Variants in CDK20 observed in about 807,000 individuals in gnomAD.
CDK20 encodes cyclin dependent kinase 20.
CDK20 carries 40 observed loss-of-function variants against 38.6 expected under a neutral mutation model. The ratio of observed to expected loss-of-function variants is 1.04; its 90% CI spans 0.81 to 1.35. The LOEUF (loss-of-function observed/expected upper bound fraction) is 1.35. Among genes scored for constraint, CDK20 ranks in the 40% most tolerant of loss-of-function variants. The pLI, the probability that CDK20 is intolerant of heterozygous loss-of-function variation, is 0.00. For missense variants in CDK20, 512 were observed against 452.6 expected, an observed-to-expected ratio of 1.13 and a Z score of -1.19; for synonymous variants, 209 against 185.7, an observed-to-expected ratio of 1.13 and a Z score of -1.02.
Position 87,969,121 on chromosome 9 carries a change from G to A in CDK20, c.843+73C>T. The A allele has an allele frequency of 2.6e-6, 4 of 1,535,114 alleles. No homozygotes were observed. The South Asian group carries it at 4.8e-5, about 18-fold the overall frequency. ...GTCGCTGATGTGATGGGGTCACATG[G>A]CTACCAAGTACAGAGTACCAGGGTG... On this transcript the variant is annotated intron_variant, in intron 7 of 7. Coordinates refer to ENST00000325303, the MANE Select transcript of CDK20 (RefSeq NM_001039803.3).
chr9:87,971,003 C>T lies in CDK20; in HGVS notation c.379-106G>A, dbSNP rs1829811276. On this transcript the variant is annotated intron_variant, in intron 3 of 7. Transcript: ENST00000325303. ...TCAGGTCAGCCCCGGTCCCCACCTCCTCCAGGGCCATGCCCTGGCCACTTA... is the reference window on the plus strand; with the variant it reads ...TCAGGTCAGCCCCGGTCCCCACCTCTTCCAGGGCCATGCCCTGGCCACTTA... 1.8e-5 allele frequency: 27 copies of T among 1,533,418 alleles called. No individual in the cohort carries two copies. The South Asian group carries it at 2.1e-4, about 12-fold the overall frequency. 95.0% of individuals were successfully genotyped at this position (1,533,418 alleles called of 1,614,324 possible). A position where few individuals can be genotyped will look rare whatever the true frequency, so the allele number is the denominator to read the frequency against.
rs1829520089 is a variant in CDK20 at position 87,967,581 on chromosome 9, C to T, written c.922G>A (p.Gly308Arg). The T allele has an allele frequency of 6.5e-7, 1 of 1,540,192 alleles. No homozygotes were observed. The change falls in exon 8 of 8, where the codon GGA (glycine) becomes AGA (arginine). Residue 308 changes from glycine to arginine, a missense_variant. Gly to Arg is a moderately radical substitution (Grantham distance 125, BLOSUM62 -2). Transcript: ENST00000325303. ...CCTGGATGGGCCTTGGGGGCAGGTC[C>T]CCCTAGACGCTGAGGAATCGGCAGC... ...SELPIPQRLG[G>R]PAPKAHPGPP...
Position 87,969,231 on chromosome 9 carries a change from A to G in CDK20, c.806T>C (p.Leu269Pro). ...PQALDLLGQF[L>P]LYPPHQRIAA... is the part of the protein sequence containing the mutation. ...GATGCGCTGGTGAGGAGGGTAGAGAAGGAATTGACCCAGCAGATCCAATGC... is the reference window on the plus strand; with the variant it reads ...GATGCGCTGGTGAGGAGGGTAGAGAGGGAATTGACCCAGCAGATCCAATGC... Residue 269 changes from leucine (L) to proline (P), a missense_variant, in exon 7 of 8, where the codon CTT (leucine) becomes CCT (proline). Transcript: ENST00000325303. The G allele has an allele frequency of 6.2e-7, 1 of 1,614,084 alleles. No individual in the cohort carries two copies. The highest frequency in any genetic ancestry group is 2.2e-5 in the East Asian group (1 of 44,874).
At chr9:87,969,598 G>C (rs1360044933) in intron 6 of CDK20, 198 bp downstream of exon 6, 2 of 882,086 alleles carry the variant, frequency 2.3e-6, no homozygotes, top group Admixed American at 2.6e-5. Context: ...GGGGTGAAAA[G>C]GGACAAAGGA....
At chr9:87,970,660 G>T (rs1287777548) in intron 4 of CDK20, 30 bp from the exon 5 acceptor site, 1 of 1,613,808 alleles carries the variant, frequency 6.2e-7, no homozygotes, top group African/African-American at 1.3e-5. Flanking sequence ...CAGGCACTGG[G>T]CTGAGAAAAG....
intron 6 of CDK20, 22 bp from the exon 7 acceptor site, chr9:87,969,371 G>C: frequency 6.2e-7 from 1 of 1,612,552 alleles, no homozygotes; most frequent in South Asian, 1.1e-5. Context: ...AGAAGGAACA[G>C]GGTACAATGA....
intron 5 of CDK20, 52 bp downstream of exon 5, chr9:87,970,516 T>C: frequency 6.5e-7 from 1 of 1,543,006 alleles, no homozygotes; most frequent in South Asian, 1.1e-5. Context: ...CCTCAGAGCC[T>C]AGCAGAAATC....
Position 87,970,591 on chromosome 9 carries a change from C to T in CDK20, c.540G>A (p.Gln180=), listed in dbSNP as rs1829775772. The T allele has an allele frequency of 6.2e-7, 1 of 1,614,140 alleles. No homozygotes were observed. Among genetic ancestry groups the T allele is most frequent in the Non-Finnish European group, 8.5e-7 (1 of 1,180,012 alleles). The change falls in exon 5 of 8, where the codon CAG becomes CAA. Residue 180 remains glutamine, a synonymous_variant. Coordinates refer to ENST00000325303, the MANE Select transcript of CDK20 (RefSeq NM_001039803.3). ...ACCACAGATCGACGCCCTGGTCATA[C>T]TGGCGGGCACCATACAGGAGCTCGG... ...RAPELLYGAR[Q]YDQGVDLWSV... is the part of the protein sequence containing the mutation.
chr9:87,970,328 G>C (rs1173446241), intron 5 of CDK20: 2 of 533,206 alleles, frequency 3.8e-6, no homozygotes, highest in African/African-American at 3.8e-5. Context: ...TCCCCATCTA[G>C]CCCAGAAAGC....
intron 2 of CDK20, among the ~76,000 whole-genome samples, chr9:87,973,402 GC>G (rs796138482): frequency 3.0e-5 from 4 of 135,124 alleles, no homozygotes; most frequent in African/African-American, 1.1e-4. Flanking sequence ...ACAGGGTAGA[GC>G]CTATGGGAGG....
chr9:87,969,983 G>A (rs1829739521), intron 5 of CDK20, 64 bp from the exon 6 acceptor site: 6 of 1,501,186 alleles, frequency 4.0e-6, no homozygotes, highest in Non-Finnish European at 4.5e-6. Context: ...CCCACCCACA[G>A]AGCAGCTCTA....
In CDK20 at chr9:87,966,477, TA is replaced by T. The variant is rs1327044779; in HGVS notation, c.*984del. ...GAACCACAATCATACTCTTTATTATTATACAAACTTTTAAATATTGGTATCT... is the reference window on the plus strand; with the variant it reads ...GAACCACAATCATACTCTTTATTATTTACAAACTTTTAAATATTGGTATCT... On this transcript the variant is annotated 3_prime_UTR_variant, in exon 8 of 8. Transcript: ENST00000325303. 6.5e-6 allele frequency: 1 copy of T among 154,046 alleles called. No homozygotes were observed. The highest frequency in any genetic ancestry group is 1.4e-5 in the Non-Finnish European group (1 of 69,260). 9.5% of individuals were successfully genotyped at this position (154,046 alleles called of 1,614,324 possible). A position where few individuals can be genotyped will look rare whatever the true frequency, so the allele number is the denominator to read the frequency against.
intron 2 of CDK20, among the ~76,000 whole-genome samples, chr9:87,973,278 C>G (rs899886398): frequency 2.7e-4 from 41 of 152,166 alleles, no homozygotes; most frequent in African/African-American, 9.4e-4. Context: ...TCCCGGTACC[C>G]TATCACAGCA....
At position 87,971,225 on chromosome 9, in the gene CDK20, G is replaced by T. The variant is rs369580008; in HGVS notation, c.300C>A (p.Ala100=). The change falls in exon 3 of 8, where the codon GCC becomes GCA. Residue 100 remains alanine (A), a synonymous_variant. Coordinates refer to ENST00000325303, the MANE Select transcript of CDK20 (RefSeq NM_001039803.3). Reference sequence around the variant, plus strand: ...GCAGGTAGCTCTTGACCTGTGCCTGGGCTAGTGGCCTCTGGGCATGGCGCA... The same window carrying T: ...GCAGGTAGCTCTTGACCTGTGCCTGTGCTAGTGGCCTCTGGGCATGGCGCA... ...EVVRHAQRPL[A]QAQVKSYLQM... The T allele has an allele frequency of 6.2e-7, 1 of 1,614,138 alleles. No homozygotes were observed. Among genetic ancestry groups the T allele is most frequent in the Non-Finnish European group, 8.5e-7 (1 of 1,180,026 alleles).
rs7862994 is a variant in CDK20, at chr9:87,968,926, G to C, written c.843+268C>G. The C allele has an allele frequency of 8.4e-6, 4 of 473,486 alleles. No homozygotes were observed. The Admixed American group carries it at 1.4e-4, about 17-fold the overall frequency. 29.3% of individuals were successfully genotyped at this position (473,486 alleles called of 1,614,324 possible). ...GGGCAGCCCAGAAACCTGCACTCCC[G>C]GACACGCGCTCTCCTGAGAGTTGGG... On this transcript the variant is annotated intron_variant, in intron 7 of 7. Coordinates refer to ENST00000325303, the MANE Select transcript of CDK20 (RefSeq NM_001039803.3).
chr9:87,970,706 T>C, intron 4 of CDK20, 70 bp downstream of exon 4: 17 of 1,612,364 alleles, frequency 1.1e-5, no homozygotes, highest in Non-Finnish European at 1.4e-5. Flanking sequence ...CCACAAGCAA[T>C]GTCTGGAGAA....
At position 87,971,274 on chromosome 9, in the gene CDK20, ATGAAC is replaced by A; in HGVS notation, c.246_250del (p.Glu82AspfsTer99). 6.2e-7 allele frequency: 1 copy of A among 1,614,090 alleles called. No homozygotes were observed. Among genetic ancestry groups the A allele is most frequent in the Non-Finnish European group, 8.5e-7 (1 of 1,179,990 alleles). On this transcript the variant is annotated frameshift_variant, in exon 3 of 8. Transcript: ENST00000325303. LOFTEE classifies it high-confidence loss of function. The stretch of plus-strand genomic sequence containing the variant: ...CACCACCTCGGCCAGATCCGACAGC[ATGAAC>A]TCAAAGGCCAGCACAAAGCCTCCAC...
chr9:87,971,905 G>A (rs1391371497), intron 2 of CDK20, among the ~76,000 whole-genome samples: 1 of 152,196 alleles, frequency 6.6e-6, no homozygotes, highest in African/African-American at 2.4e-5. Context: ...GTAAGTACAG[G>A]AACCAAAATA....
Position 87,969,346 on chromosome 9 carries a change from G to A in CDK20, c.691C>T (p.Leu231Phe). 1 of 1,613,870 alleles carries A rather than the reference G, an allele frequency of 6.2e-7. No individual in the cohort carries two copies. Among genetic ancestry groups the A allele is most frequent in the Non-Finnish European group, 8.5e-7 (1 of 1,179,904 alleles). The change falls in exon 7 of 8, where the codon CTC (leucine) becomes TTC (phenylalanine). Residue 231 changes from leucine to phenylalanine, a missense_variant. Leu to Phe is a conservative substitution (Grantham distance 22). Coordinates refer to ENST00000325303, the MANE Select transcript of CDK20 (RefSeq NM_001039803.3). The stretch of plus-strand genomic sequence containing the variant: ...TTGTTGTAGTCCGGCAGCTCAGTGA[G>A]CTCCTGGGCCAGGGAGAAGGAACAG... ...GTPNPQVWPE[L>F]TELPDYNKIS...
Sources: allele counts gnomAD v4.1 joint callset (sites outside exome capture counted in the v4.1 genomes callset), GRCh38; gene constraint gnomAD v4.1.1; transcripts MANE v1.5; gene names NCBI Gene and HGNC (gene_info 2026-07-23, HGNC 2026-07-21).